The following GABRG3 variants were observed in gnomAD, a reference collection of about 807,000 sequenced individuals.
GABRG3 encodes the protein gamma-aminobutyric acid receptor subunit gamma-3.
GABRG3 carries 25 observed loss-of-function variants against 48.8 expected under a neutral mutation model. The observed-to-expected ratio is 0.51, with a 90% CI of 0.37 to 0.72. The LOEUF is 0.72. GABRG3 is among the 30% of genes least tolerant of loss of function. GABRG3 has a pLI of 0.00. For missense variants in GABRG3, 394 were observed against 577.9 expected (o/e 0.68, Z 3.26); for synonymous variants, 227 against 217.6 (o/e 1.04, Z -0.38).
chr15:27,476,098 G>A (rs1447538002), intron 5 of GABRG3, among the ~76,000 whole-genome samples: 3 of 152,170 alleles, frequency 2.0e-5, no homozygotes, highest in African/African-American at 7.2e-5. Flanking sequence ...AATGGCTACT[G>A]CAGCAAACAC....
At chr15:27,195,488 C>T (rs547977892) in intron 3 of GABRG3, among the ~76,000 whole-genome samples, 25 of 149,560 alleles carry the variant, frequency 1.7e-4, no homozygotes, top group East Asian at 8.2e-4. Context: ...TGCACCACCA[C>T]GCCCAGCTAA....
At chr15:27,369,458 C>T (rs1895320668) in intron 5 of GABRG3, among the ~76,000 whole-genome samples, 1 of 152,180 alleles carries the variant, frequency 6.6e-6, no homozygotes, top group South Asian at 2.1e-4. Context: ...TGCAGCCATG[C>T]TGCCTAAAAA....
At chr15:27,157,668 A>G (rs1817626234) in intron 3 of GABRG3, 1 of 152,242 alleles carries the variant, frequency 6.6e-6, no homozygotes, top group Admixed American at 6.5e-5. Context: ...TTACCTATAC[A>G]CTGAGGGTAA....
In GABRG3 at chr15:27,486,843, ATT is replaced by A. The variant is rs1890232829; in HGVS notation, c.712+6057_712+6058del. On this transcript the variant is annotated intron_variant, in intron 6 of 9. Transcript: ENST00000615808. ...GTGAGGAGAATTGAGAGATTTACGC[ATT>A]GTCTTTCTTTAGTAATCATCCACTA... is the stretch of plus-strand genomic sequence containing the variant. Among the ~76,000 whole-genome samples, 7 of 152,184 alleles carry A rather than the reference ATT, an allele frequency of 4.6e-5. No homozygotes were observed. The South Asian group carries it at 1.4e-3, about 31-fold the overall frequency.
At chr15:27,308,549 A>G (rs1371477198) in intron 3 of GABRG3, among the ~76,000 whole-genome samples, 4 of 148,758 alleles carry the variant, frequency 2.7e-5, no homozygotes, top group Non-Finnish European at 4.5e-5. Context: ...TATATAATGT[A>G]AACATACATG....
intron 3 of GABRG3, among the ~76,000 whole-genome samples, chr15:27,033,053 G>A (rs550912457): frequency 9.8e-5 from 15 of 152,302 alleles, no homozygotes; most frequent in Non-Finnish European, 2.2e-4. Flanking sequence ...GTACAACTTA[G>A]TCAGTAAATG....
In GABRG3 at chr15:27,112,878, T is replaced by C. The variant is rs1897578534; in HGVS notation, c.270+86057T>C. On this transcript the variant is annotated intron_variant, in intron 3 of 9. Coordinates refer to ENST00000615808, the MANE Select transcript of GABRG3 (RefSeq NM_033223.5). ...ACTGTGGTTTGTTTACAGACCTTTT[T>C]CCCCGTTGTATTATATTTACAGCTA... Among the ~76,000 whole-genome samples, 4 of 152,332 alleles carry C rather than the reference T, an allele frequency of 2.6e-5. No individual in the cohort carries two copies. The South Asian group carries it at 8.3e-4, about 32-fold the overall frequency.
In GABRG3 at chr15:27,184,999, T is replaced by C. The variant is rs1484808210; in HGVS notation, c.271-141810T>C. ...AAGAACCAGCATTTTGTTTCCTTGA[T>C]TTTTCCTCTATTGTTTTCTATTTTC... On this transcript the variant is annotated intron_variant, in intron 3 of 9. Coordinates refer to ENST00000615808, the MANE Select transcript of GABRG3 (RefSeq NM_033223.5). 2.6e-5 allele frequency among the ~76,000 whole-genome samples: 4 copies of C among 152,000 alleles called. No individual in the cohort carries two copies. The East Asian group carries it at 7.7e-4, about 29-fold the overall frequency.
At chr15:27,047,124 C>T (rs898574864) in intron 3 of GABRG3, among the ~76,000 whole-genome samples, 2 of 152,180 alleles carry the variant, frequency 1.3e-5, no homozygotes, top group African/African-American at 4.8e-5. Flanking sequence ...CCACCACATA[C>T]TCATTTTAAA....
At chr15:27,205,382 ATGTTGC>A (rs1888819295) in intron 3 of GABRG3, among the ~76,000 whole-genome samples, 1 of 152,056 alleles carries the variant, frequency 6.6e-6, no homozygotes, top group Non-Finnish European at 1.5e-5. Flanking sequence ...TGTTGAAGCA[ATGTTGC>A]ATCCCAGGAA....
At chr15:27,422,615 A>G (rs1888159146) in intron 5 of GABRG3, among the ~76,000 whole-genome samples, 1 of 152,202 alleles carries the variant, frequency 6.6e-6, no homozygotes. Context: ...GTCAACACTG[A>G]GTTTTCTAAG....
chr15:27,125,839 C>A (rs764959340), intron 3 of GABRG3, among the ~76,000 whole-genome samples: 3 of 152,246 alleles, frequency 2.0e-5, no homozygotes, highest in African/African-American at 7.2e-5. Context: ...CTGTGGCACT[C>A]GTCCTCAAGT....
chr15:27,481,347 A>T, intron 6 of GABRG3: 1 of 811,446 alleles, frequency 1.2e-6, no homozygotes, highest in Non-Finnish European at 1.5e-6. Flanking sequence ...ATATATGTGA[A>T]TGTGTTTTGT....
At chr15:27,290,530 G>A (rs966129137) in intron 3 of GABRG3, among the ~76,000 whole-genome samples, 3 of 152,094 alleles carry the variant, frequency 2.0e-5, no homozygotes, top group Admixed American at 6.6e-5. Flanking sequence ...GCTATGATAC[G>A]ATGAGAGCAC....
chr15:27,005,197 AT>A lies in GABRG3; in HGVS notation c.203-21553del, dbSNP rs1161539162. 2.0e-5 allele frequency among the ~76,000 whole-genome samples: 3 copies of A among 151,862 alleles called. No homozygotes were observed. In the East Asian group the frequency reaches 5.8e-4, roughly 29 times the overall value. ...TTTAAATTGTTAAATATCTTATTTTATTTTATTTATTTATTTATTTTTGAGA... is the reference window on the plus strand; with the variant it reads ...TTTAAATTGTTAAATATCTTATTTTATTTATTTATTTATTTATTTTTGAGA... On this transcript the variant is annotated intron_variant, in intron 2 of 9. Coordinates refer to ENST00000615808, the MANE Select transcript of GABRG3 (RefSeq NM_033223.5).
intron 2 of GABRG3, among the ~76,000 whole-genome samples, chr15:27,008,756 AC>A (rs1259794330): frequency 1.3e-5 from 2 of 152,084 alleles, no homozygotes; most frequent in South Asian, 4.2e-4. Flanking sequence ...GGTAAATGGC[AC>A]CCGCAGAGCA....
rs1015778072 is a variant in GABRG3, at chr15:27,180,671, G to A, written c.271-146138G>A. On this transcript the variant is annotated intron_variant, in intron 3 of 9. Coordinates refer to ENST00000615808, the MANE Select transcript of GABRG3 (RefSeq NM_033223.5). This position sits in a 1 kb window ranked among gnomAD's most constrained non-coding sequence, Gnocchi z 4.2. Reference sequence around the variant, plus strand: ...TCTGTGTGTGTTTGTGTGTGCACGCGCGCGCACCCCAGGTCAGTTCTAGCA... The same window carrying A: ...TCTGTGTGTGTTTGTGTGTGCACGCACGCGCACCCCAGGTCAGTTCTAGCA... 2.0e-4 allele frequency among the ~76,000 whole-genome samples: 30 copies of A among 152,150 alleles called. No homozygotes were observed. Among genetic ancestry groups the A allele is most frequent in the Middle Eastern group, 3.4e-3 (1 of 294 alleles).
intron 5 of GABRG3, among the ~76,000 whole-genome samples, chr15:27,386,812 A>T (rs1217029862): frequency 1.3e-5 from 2 of 152,170 alleles, no homozygotes; most frequent in Admixed American, 6.5e-5. Flanking sequence ...GACATTTTTA[A>T]TTATAACTGA....
At chr15:27,472,807 T>C in intron 5 of GABRG3, among the ~76,000 whole-genome samples, 1 of 152,228 alleles carries the variant, frequency 6.6e-6, no homozygotes, top group Non-Finnish European at 1.5e-5. Context: ...CATATATACA[T>C]ATGTATGTAT....
Sources: gnomAD v4.1 joint callset for allele counts (sites outside exome capture counted in the v4.1 genomes callset) on GRCh38, gnomAD v4.1.1 for gene constraint, Gnocchi (gnomAD v3.1) non-coding constraint, MANE v1.5 for transcripts, NCBI Gene and HGNC (gene_info 2026-07-23, HGNC 2026-07-21) for gene names.